ARHGEF17: variants seen among roughly 807,000 people sequenced by gnomAD.
ARHGEF17 encodes the protein Rho guanine nucleotide exchange factor 17.
Under a neutral mutation model 174.0 loss-of-function variants are expected in ARHGEF17, and 80 were observed. The ratio of observed to expected loss-of-function variants is 0.46; its 90% CI spans 0.38 to 0.55. The LOEUF (loss-of-function observed/expected upper bound fraction) is 0.55. Among genes scored for constraint, ARHGEF17 ranks in the 20% least tolerant of loss-of-function variants. The pLI is 0.00. For missense variants in ARHGEF17, 2,886 were observed against 2,839.7 expected, an observed-to-expected ratio of 1.02 and a Z score of -0.37; for synonymous variants, 1,311 against 1,189.1, an observed-to-expected ratio of 1.10 and a Z score of -2.11.
At chr11:73,342,290 G>C (rs1372363422) in intron 1 of ARHGEF17, among the ~76,000 whole-genome samples, 5 of 152,060 alleles carry the variant, frequency 3.3e-5, no homozygotes, top group African/African-American at 9.7e-5. Flanking sequence ...AGCTGGATCC[G>C]GGCAGGGGTA....
intron 1 of ARHGEF17, among the ~76,000 whole-genome samples, chr11:73,338,360 A>G (rs1048205689): frequency 2.0e-5 from 3 of 152,148 alleles, no homozygotes; most frequent in African/African-American, 7.2e-5. Context: ...CTCTCTACCC[A>G]AAAAGTCCCT....
At chr11:73,336,535 C>T (rs552663621) in intron 1 of ARHGEF17, among the ~76,000 whole-genome samples, 5 of 152,348 alleles carry the variant, frequency 3.3e-5, no homozygotes, top group African/African-American at 1.2e-4. Context: ...ATCCTCCTTT[C>T]AGCCAGCAGG....
rs551380812 is a variant in ARHGEF17 at position 73,360,604 on chromosome 11, T to C, written c.4420+71T>C. 4.2e-5 allele frequency: 64 copies of C among 1,537,246 alleles called. No homozygotes were observed. The East Asian group carries it at 1.4e-3, about 32-fold the overall frequency. On this transcript the variant is annotated intron_variant, in intron 11 of 20. Transcript: ENST00000263674. ...CAGGAGGCCAGAGGCATCTCACAGCTGTCTGTGACTTCAGGAGCCAGAACC... is the reference window on the plus strand; with the variant it reads ...CAGGAGGCCAGAGGCATCTCACAGCCGTCTGTGACTTCAGGAGCCAGAACC...
chr11:73,357,089 C>T lies in ARHGEF17; in HGVS notation c.3956C>T (p.Thr1319Ile). Residue 1319 changes from threonine (T) to isoleucine (I), a missense_variant, in exon 8 of 21, where the codon ACT (threonine) becomes ATT (isoleucine). This residue lies in a region of ARHGEF17 where 353 missense variants were observed against 470.3 expected (regional missense o/e 0.75). Coordinates refer to ENST00000263674, the MANE Select transcript of ARHGEF17 (RefSeq NM_014786.4). ...FLFTDLIVCTTLKRKSGSLRR... is the reference protein window; with the variant it reads ...FLFTDLIVCTILKRKSGSLRR... ...TTCACGGACCTCATCGTCTGCACCA[C>T]TCTGAAGCGAAAGTCAGGCTCCCTG... 1.2e-6 allele frequency: 2 copies of T among 1,614,244 alleles called. No homozygotes were observed. Among genetic ancestry groups the T allele is most frequent in the Non-Finnish European group, 1.7e-6 (2 of 1,180,052 alleles).
rs764403313 is a variant in ARHGEF17 at position 73,310,313 on chromosome 11, C to T, written c.1675C>T (p.Pro559Ser). 4 of 1,613,818 alleles carry T rather than the reference C, an allele frequency of 2.5e-6. No individual in the cohort carries two copies. Among genetic ancestry groups the T allele is most frequent in the Admixed American group, 1.7e-5 (1 of 60,034 alleles). ...TGAGAAGCCCATGGCCCGCCGCCTG[C>T]CCCGCACCAGTGCTCTGAAGTCCAG... is the stretch of plus-strand genomic sequence containing the variant. The part of the protein sequence containing the change: ...CSEKPMARRL[P>S]RTSALKSSSS... Residue 559 changes from proline to serine, a missense_variant, in exon 1 of 21, where the codon CCC becomes TCC. Coordinates refer to ENST00000263674, the MANE Select transcript of ARHGEF17 (RefSeq NM_014786.4).
chr11:73,311,051 C>G lies in ARHGEF17; in HGVS notation c.2413C>G (p.Gln805Glu), dbSNP rs146497753. The change falls in exon 1 of 21, where the codon CAG (glutamine) becomes GAG (glutamate). Residue 805 changes from glutamine (Q) to glutamate (E), a missense_variant. By Grantham distance (29) the Gln-to-Glu change is conservative. Around this residue, in one of 4 missense-constraint regions of ARHGEF17, gnomAD observed 1,728 missense variants for 1,461.2 expected, o/e 1.18. Coordinates refer to ENST00000263674, the MANE Select transcript of ARHGEF17 (RefSeq NM_014786.4). ...GYQEVIQSIVQGPGTLGRVVD... is the reference protein window; with the variant it reads ...GYQEVIQSIVEGPGTLGRVVD... ...TCAGGAGGTTATTCAGAGCATAGTTCAGGGGCCTGGCACCCTGGGGCGTGT... is the reference window on the plus strand; with the variant it reads ...TCAGGAGGTTATTCAGAGCATAGTTGAGGGGCCTGGCACCCTGGGGCGTGT... 8.5e-4 allele frequency: 1,374 copies of G among 1,614,100 alleles called. 19 individuals are homozygous for G. In the South Asian group the frequency reaches 0.014, roughly 16 times the overall value.
rs755885039 is a variant in ARHGEF17 at position 73,310,244 on chromosome 11, G to A, written c.1606G>A (p.Asp536Asn). The A allele has an allele frequency of 3.8e-5, 61 of 1,613,998 alleles. 3 individuals carry two copies. In the South Asian group the frequency reaches 6.4e-4, roughly 17 times the overall value. Reference protein sequence around the residue: ...ASPGTRPTLKDLTATLRRAKS... With the variant: ...ASPGTRPTLKNLTATLRRAKS... ...ACCTGGCACGCGCCCCACACTCAAG[G>A]ACTTGACAGCCACTCTGCGGAGAGC... The change falls in exon 1 of 21, where the codon GAC (aspartate) becomes AAC (asparagine). Residue 536 changes from aspartate to asparagine, a missense_variant. Around this residue, in one of 4 missense-constraint regions of ARHGEF17, gnomAD observed 1,728 missense variants for 1,461.2 expected, o/e 1.18. Transcript: ENST00000263674.
intron 3 of ARHGEF17, among the ~76,000 whole-genome samples, chr11:73,353,909 G>A (rs1221986167): frequency 6.6e-6 from 1 of 152,134 alleles, no homozygotes; most frequent in Admixed American, 6.5e-5. Context: ...AAAACTTCCA[G>A]TTCCATTTTA....
chr11:73,346,081 C>A (rs926258365), intron 1 of ARHGEF17, among the ~76,000 whole-genome samples: 1 of 152,026 alleles, frequency 6.6e-6, no homozygotes, highest in African/African-American at 2.4e-5. Flanking sequence ...GGTGTGGGTG[C>A]AGAGGCTGTG....
Position 73,309,680 on chromosome 11 carries a change from T to TC in ARHGEF17, c.1043dup (p.Pro349SerfsTer16). On this transcript the variant is annotated frameshift_variant, in exon 1 of 21. Transcript: ENST00000263674. LOFTEE classifies it high-confidence loss of function. ...AGGACTCCGGGAGTGGGGTAGTGGC[T>TC]CTCCGCCCTGCGTCCCAGGTCCCCA... 6.2e-7 allele frequency: 1 copy of TC among 1,613,042 alleles called. No individual in the cohort carries two copies. Among genetic ancestry groups the TC allele is most frequent in the Non-Finnish European group, 8.5e-7 (1 of 1,179,986 alleles).
chr11:73,364,324 TCC>T, intron 17 of ARHGEF17, 85 bp downstream of exon 17: 1 of 1,598,074 alleles, frequency 6.3e-7, no homozygotes, highest in African/African-American at 1.3e-5. Flanking sequence ...TTTGGGCAAC[TCC>T]CAGGCCCTCT....
rs755603983 is a variant in ARHGEF17 at position 73,360,500 on chromosome 11, G to A, written c.4387G>A (p.Glu1463Lys). 6.2e-6 allele frequency: 10 copies of A among 1,613,968 alleles called. No homozygotes were observed. The South Asian group carries it at 1.1e-4, about 18-fold the overall frequency. Reference protein sequence around the residue: ...FPHPDARLGFEQAFDEAKRKL... With the variant: ...FPHPDARLGFKQAFDEAKRKL... ...TCACCCTGACGCCCGCCTTGGTTTT[G>A]AACAGGCCTTCGATGAGGCCAAGAG... is the stretch of plus-strand genomic sequence containing the variant. Residue 1463 changes from glutamate (E) to lysine (K), a missense_variant, in exon 11 of 21, where the codon GAA becomes AAA. Transcript: ENST00000263674.
In ARHGEF17 at chr11:73,308,736, C is replaced by T. The variant is rs1164479432; in HGVS notation, c.98C>T (p.Thr33Met). 4 of 1,504,184 alleles carry T rather than the reference C, an allele frequency of 2.7e-6. No individual in the cohort carries two copies. The highest frequency in any genetic ancestry group is 2.7e-6 in the Non-Finnish European group (3 of 1,132,062). 93.2% of individuals were successfully genotyped at this position (1,504,184 alleles called of 1,614,324 possible). A position where few individuals can be genotyped will look rare whatever the true frequency, so the allele number is the denominator to read the frequency against. ...GGCCCCGGGCTGAGGGAGGAGGACA[C>T]GGACACCCCCGGCTTGAGGCGACGC... is the stretch of plus-strand genomic sequence containing the variant. Reference protein sequence around the residue: ...SGGPGLREEDTDTPGLRRRAS... With the variant: ...SGGPGLREEDMDTPGLRRRAS... Residue 33 changes from threonine (T) to methionine (M), a missense_variant, in exon 1 of 21, where the codon ACG becomes ATG. Thr to Met is a moderately conservative substitution (Grantham distance 81). Coordinates refer to ENST00000263674, the MANE Select transcript of ARHGEF17 (RefSeq NM_014786.4).
In ARHGEF17 at chr11:73,352,886, G is replaced by C; in HGVS notation, c.3327G>C (p.Leu1109=). 4 of 1,614,158 alleles carry C rather than the reference G, an allele frequency of 2.5e-6. No individual in the cohort carries two copies. In the South Asian group the frequency reaches 4.4e-5, roughly 18 times the overall value. The change falls in exon 3 of 21, where the codon CTG becomes CTC. Residue 1109 remains leucine (L), a synonymous_variant. Coordinates refer to ENST00000263674, the MANE Select transcript of ARHGEF17 (RefSeq NM_014786.4). ...PENSVLCDPS[L]VDEIFDQIPE... ...ACTCCGTGCTCTGTGACCCTTCACT[G>C]GTGGACGAGATCTTCGACCAGATCC...
At chr11:73,347,014 G>T (rs1181241301) in intron 2 of ARHGEF17, 54 bp downstream of exon 2, 3 of 1,522,844 alleles carry the variant, frequency 2.0e-6, no homozygotes, top group Non-Finnish European at 2.7e-6. Context: ...CTAGGAGGCT[G>T]TCAGATGGGT....
At chr11:73,336,115 C>T (rs892759709) in intron 1 of ARHGEF17, among the ~76,000 whole-genome samples, 1 of 152,226 alleles carries the variant, frequency 6.6e-6, no homozygotes, top group Non-Finnish European at 1.5e-5. Flanking sequence ...TTAATGTGCT[C>T]TGTGACCCTG....
intron 1 of ARHGEF17, among the ~76,000 whole-genome samples, chr11:73,341,139 A>G (rs976797218): frequency 6.6e-6 from 1 of 152,198 alleles, no homozygotes; most frequent in Non-Finnish European, 1.5e-5. Context: ...ACGGGCCTCA[A>G]TCTAGTAATT....
At chr11:73,359,256 G>T (rs1274014636) in intron 9 of ARHGEF17, among the ~76,000 whole-genome samples, 1 of 152,230 alleles carries the variant, frequency 6.6e-6, no homozygotes, top group African/African-American at 2.4e-5. Flanking sequence ...ATGTGTCCTG[G>T]CCCAAGGGTG....
At position 73,319,357 on chromosome 11, in the gene ARHGEF17, C is replaced by A. The variant is rs143615711; in HGVS notation, c.3192+7527C>A. 6.1e-3 allele frequency among the ~76,000 whole-genome samples: 924 copies of A among 152,212 alleles called. 9 individuals carry two copies. The highest frequency in any genetic ancestry group is 0.027 in the Middle Eastern group (8 of 294). The stretch of plus-strand genomic sequence containing the variant: ...AATTACAGGCGTGAGCCACTGCGCC[C>A]GGCCTCCTTCCTCCTTCTTTAAGAA... On this transcript the variant is annotated intron_variant, in intron 1 of 20. Transcript: ENST00000263674.
Sources: allele counts gnomAD v4.1 joint callset (sites outside exome capture counted in the v4.1 genomes callset), GRCh38; gene constraint gnomAD v4.1.1; regional missense constraint gnomAD v4.1.1; transcripts MANE v1.5; gene names NCBI Gene and HGNC (gene_info 2026-07-23, HGNC 2026-07-21).